The following RCN1 variants were observed in gnomAD, a reference collection of about 807,000 sequenced individuals.
RCN1 encodes the protein reticulocalbin-1.
RCN1 carries 14 observed loss-of-function variants against 34.7 expected under a neutral mutation model. The ratio of observed to expected loss-of-function variants is 0.40; its 90% CI spans 0.27 to 0.63. RCN1 has a LOEUF of 0.63. RCN1 is among the 30% of genes least tolerant of loss of function. The probability of loss-of-function intolerance (pLI) is 0.37; values close to 1 mark genes in which losing one functional copy is unlikely to be tolerated. For missense variants in RCN1, 326 were observed against 425.1 expected (o/e 0.77, Z 2.05); for synonymous variants, 125 against 165.5 (o/e 0.76, Z 1.88).
Position 32,103,489 on chromosome 11 carries a change from C to T in RCN1, c.888+9C>T. On this transcript the variant is annotated intron_variant, in intron 5 of 5. Transcript: ENST00000054950. ...AATCAGACAAAAACAAGGTATTTCC[C>T]ATTCTTCTGGAATCACTGATTGAAG... is the stretch of plus-strand genomic sequence containing the variant. 6.2e-7 allele frequency: 1 copy of T among 1,610,548 alleles called. No individual in the cohort carries two copies. Among genetic ancestry groups the T allele is most frequent in the South Asian group, 1.1e-5 (1 of 90,952 alleles).
At chr11:32,100,677 C>G (rs919145498) in intron 4 of RCN1, 69 bp downstream of exon 4, 7 of 1,253,278 alleles carry the variant, frequency 5.6e-6, no homozygotes, top group African/African-American at 2.9e-5. Flanking sequence ...ACACGTCTGG[C>G]TACTTTCCCC....
chr11:32,105,669 A>G lies in RCN1; in HGVS notation c.*1197A>G, dbSNP rs1852103107. On this transcript the variant is annotated 3_prime_UTR_variant, in exon 6 of 6. Coordinates refer to ENST00000054950, the MANE Select transcript of RCN1 (RefSeq NM_002901.4). ...GGTTTTTTTTCATCCAATTACTAGA[A>G]TGTTCAGAATAGACTCATATTTACT... is the stretch of plus-strand genomic sequence containing the variant. 6.6e-6 allele frequency: 1 copy of G among 152,204 alleles called. No individual in the cohort carries two copies. The highest frequency in any genetic ancestry group is 6.5e-5 in the Admixed American group (1 of 15,284). The allele number at this position is 152,204 out of a possible 1,614,324, so 9.4% of individuals were successfully genotyped here.
At chr11:32,097,879 A>T (rs1374808331) in intron 2 of RCN1, among the ~76,000 whole-genome samples, 1 of 152,168 alleles carries the variant, frequency 6.6e-6, no homozygotes. Context: ...GAGATTACAG[A>T]GGCACGGGGT....
chr11:32,102,367 AG>A (rs1470111002), intron 4 of RCN1: 1 of 152,232 alleles, frequency 6.6e-6, no homozygotes, highest in Non-Finnish European at 1.5e-5. Flanking sequence ...CATGTCAGTT[AG>A]GGGTCTACCT....
At chr11:32,092,254 C>T (rs374338894) in intron 1 of RCN1, among the ~76,000 whole-genome samples, 9 of 152,262 alleles carry the variant, frequency 5.9e-5, no homozygotes, top group African/African-American at 1.7e-4. Context: ...TAGCAGTGGG[C>T]CGAGATTGCG....
Position 32,091,271 on chromosome 11 carries a change from G to T in RCN1, c.75G>T (p.Arg25=). ...GLLLALVLAP[R]VLRAKPTVRK... is the part of the protein sequence containing the mutation. ...TGCTGGCGCTGGTGCTGGCGCCGCG[G>T]GTTCTGCGGGCCAAGCCCACGGTGC... Residue 25 remains arginine, a synonymous_variant, in exon 1 of 6, where the codon CGG becomes CGT. Transcript: ENST00000054950. 1 of 1,539,022 alleles carries T rather than the reference G, an allele frequency of 6.5e-7. No homozygotes were observed. The highest frequency in any genetic ancestry group is 8.8e-7 in the Non-Finnish European group (1 of 1,142,444).
intron 1 of RCN1, among the ~76,000 whole-genome samples, chr11:32,095,697 CA>C (rs1341690949): frequency 3.3e-5 from 5 of 152,126 alleles, no homozygotes; most frequent in Non-Finnish European, 7.3e-5. Flanking sequence ...CGTGAGCCAC[CA>C]TGCCCGGCCA....
Position 32,091,641 on chromosome 11 carries a change from G to A in RCN1, c.254+191G>A, listed in dbSNP as rs912524746. ...GAGGGCCCCGGGACCCCAGCTTGGAGATCGCCGCCGCCGCGCCCCGGCCGG... is the reference window on the plus strand; with the variant it reads ...GAGGGCCCCGGGACCCCAGCTTGGAAATCGCCGCCGCCGCGCCCCGGCCGG... On this transcript the variant is annotated intron_variant, in intron 1 of 5. Transcript: ENST00000054950. 2.5e-5 allele frequency: 16 copies of A among 650,664 alleles called. No individual in the cohort carries two copies. The Middle Eastern group carries it at 2.2e-3, about 88-fold the overall frequency. 40.3% of individuals were successfully genotyped at this position (650,664 alleles called of 1,614,324 possible).
In RCN1 at chr11:32,091,076, TC is replaced by T; in HGVS notation, c.-117del. The T allele has an allele frequency of 4.3e-6, 5 of 1,158,696 alleles. No homozygotes were observed. The highest frequency in any genetic ancestry group is 5.6e-6 in the Non-Finnish European group (5 of 886,192). The allele number at this position is 1,158,696 out of a possible 1,614,324, so 71.8% of individuals were successfully genotyped here. A position where few individuals can be genotyped will look rare whatever the true frequency, so the allele number is the denominator to read the frequency against. ...GGGCACTGGCGGAGGGACTGGCCAG[TC>T]CCCTCCTCCGCGCCGGCCCCAACCC... On this transcript the variant is annotated 5_prime_UTR_variant, in exon 1 of 6. Transcript: ENST00000054950.
chr11:32,097,628 A>C (rs223070), intron 2 of RCN1, among the ~76,000 whole-genome samples: 21,571 of 152,194 alleles, frequency 0.14, 1,614 homozygotes, highest in East Asian at 0.29. Context: ...GAAAGCAGAA[A>C]GGAAGTGTGT....
chr11:32,093,732 G>A (rs1288479628), intron 1 of RCN1, among the ~76,000 whole-genome samples: 1 of 152,162 alleles, frequency 6.6e-6, no homozygotes, highest in Non-Finnish European at 1.5e-5. Context: ...TGGTGAGATG[G>A]ACATGAGATG....
intron 2 of RCN1, among the ~76,000 whole-genome samples, chr11:32,097,882 C>T (rs1851991059): frequency 6.6e-6 from 1 of 152,136 alleles, no homozygotes; most frequent in Non-Finnish European, 1.5e-5. Context: ...ATTACAGAGG[C>T]ACGGGGTGCA....
At chr11:32,099,252 C>T (rs900448820) in intron 3 of RCN1, among the ~76,000 whole-genome samples, 1 of 151,296 alleles carries the variant, frequency 6.6e-6, no homozygotes, top group Non-Finnish European at 1.5e-5. Flanking sequence ...ACCCAGGAGG[C>T]GGAGGTTGCA....
rs767060963 is a variant in RCN1, at chr11:32,104,479, C to T, written c.*7C>T. 3.0e-6 allele frequency: 4 copies of T among 1,332,964 alleles called. No homozygotes were observed. The Admixed American group carries it at 5.0e-5, about 17-fold the overall frequency. 82.6% of individuals were successfully genotyped at this position (1,332,964 alleles called of 1,614,324 possible). On this transcript the variant is annotated 3_prime_UTR_variant, in exon 6 of 6. Transcript: ENST00000054950. ...AAATCATGATGAGCTTTGATAGACACTCACCAGAATATGGCAGACTGTCAT... is the reference window on the plus strand; with the variant it reads ...AAATCATGATGAGCTTTGATAGACATTCACCAGAATATGGCAGACTGTCAT...
chr11:32,101,125 C>T (rs1471044954), intron 4 of RCN1, among the ~76,000 whole-genome samples: 2 of 152,204 alleles, frequency 1.3e-5, no homozygotes, highest in African/African-American at 4.8e-5. Flanking sequence ...CAATAATATG[C>T]TCATTTTGTG....
intron 5 of RCN1, 46 bp from the exon 6 acceptor site, chr11:32,104,319 C>G: frequency 9.1e-7 from 1 of 1,104,210 alleles, no homozygotes; most frequent in South Asian, 1.3e-5. Context: ...AGAACTAGTA[C>G]AGTTACCAGA....
rs546014036 is a variant in RCN1, at chr11:32,099,903, G to A, written c.628-645G>A. ...GACAGTGCAGGTGGTGAATGATCCC[G>A]AGTAGACTACGAGCCTTTGGGAGTG... On this transcript the variant is annotated intron_variant, in intron 3 of 5. Transcript: ENST00000054950. Among the ~76,000 whole-genome samples the A allele has an allele frequency of 2.0e-5, 3 of 152,300 alleles. No homozygotes were observed. The East Asian group carries it at 5.8e-4, about 29-fold the overall frequency.
At chr11:32,091,512 G>A in intron 1 of RCN1, 62 bp downstream of exon 1, 1 of 1,514,926 alleles carries the variant, frequency 6.6e-7, no homozygotes, top group Admixed American at 2.3e-5. Context: ...GCCTGGGCGA[G>A]AGCCACGCGG....
chr11:32,100,507 A>G (rs761516931), intron 3 of RCN1, 41 bp from the exon 4 acceptor site: 5 of 1,510,576 alleles, frequency 3.3e-6, no homozygotes, highest in South Asian at 1.1e-5. Flanking sequence ...TTCTTAGAGC[A>G]CATGGCCATC....
Sources: allele counts gnomAD v4.1 joint callset (sites outside exome capture counted in the v4.1 genomes callset), GRCh38; gene constraint gnomAD v4.1.1; transcripts MANE v1.5; gene names NCBI Gene and HGNC (gene_info 2026-07-23, HGNC 2026-07-21).